Variants in PDGFRA observed in about 807,000 individuals in gnomAD.
The protein encoded by PDGFRA is platelet derived growth factor receptor alpha.
A neutral mutation model predicts 121.5 loss-of-function variants in PDGFRA; 25 were observed. The observed-to-expected ratio is 0.21, with a 90% CI of 0.15 to 0.29. PDGFRA has a LOEUF of 0.29. PDGFRA is among the 10% of genes least tolerant of loss of function. The pLI is 1.00. For synonymous variants in PDGFRA, 463 were observed against 494.8 expected (o/e 0.94, Z 0.85); for missense variants, 1,008 against 1,345.1 (o/e 0.75, Z 3.92).
At chr4:54,273,137 A>T (rs945752820) in intron 9 of PDGFRA, among the ~76,000 whole-genome samples, 1 of 152,100 alleles carries the variant, frequency 6.6e-6, no homozygotes, top group Non-Finnish European at 1.5e-5. Flanking sequence ...AACCCTAGTG[A>T]CACCCTAGGG....
At position 54,245,338 on chromosome 4, in the gene PDGFRA, A is replaced by C. The variant is rs940507880; in HGVS notation, c.-12-13419A>C. 1.5e-4 allele frequency among the ~76,000 whole-genome samples: 23 copies of C among 152,344 alleles called. 1 individual carries two copies. Among genetic ancestry groups the C allele is most frequent in the African/African-American group, 5.5e-4 (23 of 41,570 alleles). On this transcript the variant is annotated intron_variant, in intron 1 of 22. Transcript: ENST00000257290. ...GTAAGGTCAGGTTACCCACAAAGGGAAGCCCATCAGACTAACAGTGGATCT... is the reference window on the plus strand; with the variant it reads ...GTAAGGTCAGGTTACCCACAAAGGGCAGCCCATCAGACTAACAGTGGATCT...
intron 8 of PDGFRA, among the ~76,000 whole-genome samples, chr4:54,271,373 C>T (rs1171774982): frequency 6.6e-6 from 1 of 152,214 alleles, no homozygotes; most frequent in Non-Finnish European, 1.5e-5. Flanking sequence ...TATTTGACCA[C>T]AGATTTAGAA....
chr4:54,229,555 G>C (rs1381376255), intron 1 of PDGFRA, 140 bp downstream of exon 1: 1 of 387,668 alleles, frequency 2.6e-6, no homozygotes, highest in Admixed American at 4.5e-5. Flanking sequence ...TGTGTCCAGA[G>C]AGTAATTTTT....
At chr4:54,257,705 G>A (rs984661514) in intron 1 of PDGFRA, among the ~76,000 whole-genome samples, 3 of 152,144 alleles carry the variant, frequency 2.0e-5, no homozygotes, top group Non-Finnish European at 4.4e-5. Context: ...CACTATCAGT[G>A]ACTTCAAGGG....
intron 1 of PDGFRA, chr4:54,230,014 G>C (rs1241499203): frequency 1.3e-5 from 2 of 152,510 alleles, no homozygotes; most frequent in African/African-American, 4.8e-5. Flanking sequence ...GAGGCGGGCT[G>C]GGCTCGGCTG....
At chr4:54,231,732 A>AG (rs1163939082) in intron 1 of PDGFRA, among the ~76,000 whole-genome samples, 1 of 152,260 alleles carries the variant, frequency 6.6e-6, no homozygotes, top group African/African-American at 2.4e-5. Context: ...ACCCAAGTGC[A>AG]GCTGGACCTC....
intron 1 of PDGFRA, among the ~76,000 whole-genome samples, chr4:54,249,861 T>G (rs1721951720): frequency 6.6e-6 from 1 of 152,012 alleles, no homozygotes; most frequent in South Asian, 2.1e-4. Flanking sequence ...AGTTAAACAT[T>G]AGGATTAAAA....
intron 1 of PDGFRA, chr4:54,229,956 G>C (rs1468835064): frequency 6.6e-6 from 1 of 150,424 alleles, no homozygotes; most frequent in Non-Finnish European, 1.5e-5. Flanking sequence ...AGAGGGGAGC[G>C]TGGAGGGGAG....
intron 1 of PDGFRA, among the ~76,000 whole-genome samples, chr4:54,255,984 G>A (rs1413844793): frequency 1.3e-5 from 2 of 152,134 alleles, no homozygotes; most frequent in Non-Finnish European, 2.9e-5. Context: ...TTGAATATGG[G>A]CTAGGTAAGA....
chr4:54,248,205 GA>G (rs1234653574), intron 1 of PDGFRA, among the ~76,000 whole-genome samples: 1 of 152,098 alleles, frequency 6.6e-6, no homozygotes, highest in Non-Finnish European at 1.5e-5. Flanking sequence ...CACAGAATTG[GA>G]AAAAACTACT....
chr4:54,279,591 T>C (rs1433789860), intron 15 of PDGFRA, among the ~76,000 whole-genome samples: 2 of 152,106 alleles, frequency 1.3e-5, no homozygotes, highest in Non-Finnish European at 1.5e-5. Context: ...GGGGAACAAG[T>C]GGTATTTGGT....
intron 3 of PDGFRA, among the ~76,000 whole-genome samples, chr4:54,261,903 AT>A (rs1560467498): frequency 3.7e-4 from 11 of 29,924 alleles, no homozygotes; most frequent in African/African-American, 1.2e-3. Context: ...AGTTACATAT[AT>A]ATATATATAT....
At chr4:54,289,272 T>C (rs1724512477) in intron 21 of PDGFRA, among the ~76,000 whole-genome samples, 158 bp downstream of exon 21, 1 of 152,200 alleles carries the variant, frequency 6.6e-6, no homozygotes, top group Admixed American at 6.5e-5. Context: ...GAGACCCTAG[T>C]AGCAATGATG....
chr4:54,258,767 C>T lies in PDGFRA; in HGVS notation c.-2C>T. 2 of 1,611,616 alleles carry T rather than the reference C, an allele frequency of 1.2e-6. No individual in the cohort carries two copies. Among genetic ancestry groups the T allele is most frequent in the East Asian group, 2.2e-5 (1 of 44,878 alleles). ...TTTTGACTTTTCTAGTTTCCCAGAG[C>T]TATGGGGACTTCCCATCCGGCGTTC... On this transcript the variant is annotated 5_prime_UTR_variant, in exon 2 of 23. Transcript: ENST00000257290.
chr4:54,278,587 G>A (rs2110317909), intron 15 of PDGFRA, 72 bp downstream of exon 15: 2 of 1,451,328 alleles, frequency 1.4e-6, no homozygotes, highest in South Asian at 1.1e-5. Flanking sequence ...CCCATGTCCT[G>A]ATAGATATCA....
rs75883211 is a variant in PDGFRA, at chr4:54,295,683, C to A, written c.*411C>A. The stretch of plus-strand genomic sequence containing the variant: ...GATTGTATTAACTATCTTCTTTGGA[C>A]TTCTGAAGAGACCACTCAATCCATC... On this transcript the variant is annotated 3_prime_UTR_variant, in exon 23 of 23. Transcript: ENST00000257290. 6.5e-6 allele frequency: 2 copies of A among 306,796 alleles called. No homozygotes were observed. The highest frequency in any genetic ancestry group is 6.2e-6 in the Non-Finnish European group (1 of 162,266). 19.0% of individuals were successfully genotyped at this position (306,796 alleles called of 1,614,324 possible).
rs1012700736 is a variant in PDGFRA, at chr4:54,296,674, T to C, written c.*1402T>C. 5 of 232,572 alleles carry C rather than the reference T, an allele frequency of 2.1e-5. No homozygotes were observed. Among genetic ancestry groups the C allele is most frequent in the Non-Finnish European group, 4.2e-5 (5 of 117,764 alleles). The allele number at this position is 232,572 out of a possible 1,614,324, so 14.4% of individuals were successfully genotyped here. ...GTCTGAGGGAAACCAGAGTCTGTATTTTTCTAAACTCCCTGGCTGTTCTGA... is the reference window on the plus strand; with the variant it reads ...GTCTGAGGGAAACCAGAGTCTGTATCTTTCTAAACTCCCTGGCTGTTCTGA... On this transcript the variant is annotated 3_prime_UTR_variant, in exon 23 of 23. Coordinates refer to ENST00000257290, the MANE Select transcript of PDGFRA (RefSeq NM_006206.6).
chr4:54,229,405 C>T lies in PDGFRA; in HGVS notation c.-23C>T. Reference sequence around the variant, plus strand: ...TGGGACATTCATTGCGGAATAACATCGGAGGAGAAGGTAAGGGAAAAGAAA... The same window carrying T: ...TGGGACATTCATTGCGGAATAACATTGGAGGAGAAGGTAAGGGAAAAGAAA... On this transcript the variant is annotated 5_prime_UTR_variant, in exon 1 of 23. Transcript: ENST00000257290. 2 of 398,004 alleles carry T rather than the reference C, an allele frequency of 5.0e-6. No homozygotes were observed. The highest frequency in any genetic ancestry group is 8.8e-6 in the Non-Finnish European group (2 of 225,992). The allele number at this position is 398,004 out of a possible 1,614,324, so 24.7% of individuals were successfully genotyped here.
intron 19 of PDGFRA, 23 bp from the exon 20 acceptor site, chr4:54,288,776 G>A (rs1724477411): frequency 7.6e-7 from 1 of 1,312,440 alleles, no homozygotes; most frequent in Non-Finnish European, 1.1e-6. Context: ...GTTAGTCCTG[G>A]TGTTTTATTG....
Sources: gnomAD v4.1 joint callset for allele counts (sites outside exome capture counted in the v4.1 genomes callset) on GRCh38, gnomAD v4.1.1 for gene constraint, MANE v1.5 for transcripts, NCBI Gene and HGNC (gene_info 2026-07-23, HGNC 2026-07-21) for gene names.